Variants in SPAG16 observed in about 807,000 individuals in gnomAD.
SPAG16 encodes the protein sperm-associated antigen 16 protein.
SPAG16 carries 86 observed loss-of-function variants against 80.4 expected under a neutral mutation model. The ratio of observed to expected loss-of-function variants is 1.07; its 90% confidence interval spans 0.90 to 1.28. The LOEUF (loss-of-function observed/expected upper bound fraction) is 1.28, where lower values mean the gene tolerates loss of function less well. Among genes scored for constraint, SPAG16 ranks in the 50% most tolerant of loss-of-function variants. The pLI is 0.00. For synonymous variants in SPAG16, 294 were observed against 265.9 expected (o/e 1.11, Z -1.03); for missense variants, 870 against 765.3 (o/e 1.14, Z -1.61).
At chr2:213,679,319 G>A (rs749113879) in intron 10 of SPAG16, among the ~76,000 whole-genome samples, 7 of 152,036 alleles carry the variant, frequency 4.6e-5, no homozygotes, top group Non-Finnish European at 5.9e-5. Context: ...AGTTTGAATT[G>A]GTATTTCCAA....
intron 15 of SPAG16, among the ~76,000 whole-genome samples, chr2:214,265,104 CTT>C (rs1167938109): frequency 1.3e-5 from 2 of 152,112 alleles, no homozygotes; most frequent in Admixed American, 6.6e-5. Context: ...GTTTTCAACT[CTT>C]TTGAGTAAAC....
intron 15 of SPAG16, among the ~76,000 whole-genome samples, chr2:214,310,996 CT>C (rs1008551142): frequency 2.2e-4 from 33 of 152,298 alleles, no homozygotes; most frequent in African/African-American, 7.7e-4. Flanking sequence ...CCAAAAAATG[CT>C]GGAAGGAGGA....
At chr2:214,237,109 G>A (rs779956634) in intron 15 of SPAG16, among the ~76,000 whole-genome samples, 4 of 152,056 alleles carry the variant, frequency 2.6e-5, no homozygotes, top group Non-Finnish European at 4.4e-5. Flanking sequence ...ACCCTTTCAG[G>A]GACAGCAATC....
At chr2:214,172,128 T>G (rs1033779106) in intron 15 of SPAG16, among the ~76,000 whole-genome samples, 3 of 151,748 alleles carry the variant, frequency 2.0e-5, no homozygotes, top group African/African-American at 7.3e-5. Flanking sequence ...AAGTTTTAGG[T>G]TACATGTGCA....
chr2:213,424,475 A>T (rs1320586421), intron 9 of SPAG16, among the ~76,000 whole-genome samples: 1 of 152,216 alleles, frequency 6.6e-6, no homozygotes. Flanking sequence ...ATATATTATT[A>T]AAACACTCTC....
chr2:213,556,078 A>G (rs1432745029), intron 10 of SPAG16, among the ~76,000 whole-genome samples: 2 of 152,020 alleles, frequency 1.3e-5, no homozygotes, highest in African/African-American at 4.8e-5. Context: ...CCTATAGTAG[A>G]TACTCAAAAG....
rs572860870 is a variant in SPAG16, at chr2:213,928,139, G to A, written c.1215-1821G>A. ...GAGTCGCAGTCCCCCAGGCTGGAGT[G>A]CAGTGGCATGATCTCGGCTCACTGC... On this transcript the variant is annotated intron_variant, in intron 11 of 15. Transcript: ENST00000331683. Among the ~76,000 whole-genome samples, 3 of 152,136 alleles carry A rather than the reference G, an allele frequency of 2.0e-5. No homozygotes were observed. The South Asian group carries it at 6.2e-4, about 31-fold the overall frequency.
intron 15 of SPAG16, among the ~76,000 whole-genome samples, chr2:214,252,498 A>G (rs1156936200): frequency 7.4e-6 from 1 of 134,448 alleles, no homozygotes; most frequent in Admixed American, 8.2e-5. Flanking sequence ...CCCTGTGTCC[A>G]TGTGTTCTCA....
intron 10 of SPAG16, among the ~76,000 whole-genome samples, chr2:213,588,953 C>T (rs1401191222): frequency 6.8e-6 from 1 of 147,520 alleles, no homozygotes; most frequent in Non-Finnish European, 1.5e-5. Context: ...TTAGAAAAAT[C>T]AGTTCAAATT....
chr2:214,164,763 C>A (rs1295425907), intron 15 of SPAG16, among the ~76,000 whole-genome samples: 3 of 152,046 alleles, frequency 2.0e-5, no homozygotes, highest in Non-Finnish European at 4.4e-5. Context: ...AATTTGTCTG[C>A]TATTAATTAT....
chr2:213,645,777 G>C lies in SPAG16; in HGVS notation c.1070+155687G>C, dbSNP rs980394660. Reference sequence around the variant, plus strand: ...CAGCTGGTGTCTCAGTAGTCACGTGGCCCCCCCAGTCAACTGTCTGTGAGC... The same window carrying C: ...CAGCTGGTGTCTCAGTAGTCACGTGCCCCCCCCAGTCAACTGTCTGTGAGC... On this transcript the variant is annotated intron_variant, in intron 10 of 15. Transcript: ENST00000331683. 8.5e-5 allele frequency among the ~76,000 whole-genome samples: 13 copies of C among 152,136 alleles called. No homozygotes were observed. The East Asian group carries it at 1.6e-3, about 18-fold the overall frequency.
intron 10 of SPAG16, among the ~76,000 whole-genome samples, chr2:213,726,637 T>C (rs140196717): frequency 2.0e-5 from 3 of 152,306 alleles, no homozygotes; most frequent in African/African-American, 7.2e-5. Flanking sequence ...TGGTCTTGAA[T>C]TGGTATTTGG....
chr2:213,442,634 A>G (rs377192549), intron 9 of SPAG16, among the ~76,000 whole-genome samples: 1 of 152,216 alleles, frequency 6.6e-6, no homozygotes, highest in Admixed American at 6.5e-5. Flanking sequence ...TAGTCAATTG[A>G]TATTTGACAA....
At chr2:213,810,589 C>G (rs1319788710) in intron 10 of SPAG16, among the ~76,000 whole-genome samples, 1 of 152,050 alleles carries the variant, frequency 6.6e-6, no homozygotes, top group Non-Finnish European at 1.5e-5. Context: ...TCAGCTAATA[C>G]ATAAGATAAT....
At chr2:214,087,974 A>G (rs889842897) in intron 13 of SPAG16, among the ~76,000 whole-genome samples, 1 of 152,286 alleles carries the variant, frequency 6.6e-6, no homozygotes, top group East Asian at 1.9e-4. Flanking sequence ...GAATATCCAA[A>G]GGACATTTAC....
At chr2:214,341,790 A>T (rs1697716790) in intron 15 of SPAG16, among the ~76,000 whole-genome samples, 1 of 152,214 alleles carries the variant, frequency 6.6e-6, no homozygotes, top group African/African-American at 2.4e-5. Flanking sequence ...AATGTACTCC[A>T]GCAAAAGAAC....
chr2:214,299,099 A>G (rs1255541115), intron 15 of SPAG16, among the ~76,000 whole-genome samples: 1 of 152,216 alleles, frequency 6.6e-6, no homozygotes, highest in Non-Finnish European at 1.5e-5. Flanking sequence ...AGAAAAGCTC[A>G]GAAAATCAGT....
chr2:214,126,356 A>G (rs1304447392), intron 14 of SPAG16, among the ~76,000 whole-genome samples: 1 of 151,404 alleles, frequency 6.6e-6, no homozygotes, highest in Non-Finnish European at 1.5e-5. Context: ...AGAAGGTCAG[A>G]GGCCCTTCCA....
chr2:213,977,186 A>G (rs2045456206), intron 12 of SPAG16, among the ~76,000 whole-genome samples: 1 of 152,020 alleles, frequency 6.6e-6, no homozygotes, highest in African/African-American at 2.4e-5. Context: ...ATTGGAGGTT[A>G]CTACTATCCT....
Sources: allele counts gnomAD v4.1 joint callset (sites outside exome capture counted in the v4.1 genomes callset), GRCh38; gene constraint gnomAD v4.1.1; transcripts MANE v1.5; gene names NCBI Gene and HGNC (gene_info 2026-07-23, HGNC 2026-07-21).